PPEF1: variants seen among roughly 807,000 people sequenced by gnomAD.
The protein encoded by PPEF1 is serine/threonine-protein phosphatase with EF-hands 1.
A neutral mutation model predicts 53.3 loss-of-function variants in PPEF1; 12 were observed. The observed-to-expected ratio is 0.23, with a 90% confidence interval of 0.14 to 0.36. The LOEUF (loss-of-function observed/expected upper bound fraction) is 0.36, where lower values mean the gene tolerates loss of function less well. PPEF1 is among the 10% of genes least tolerant of loss of function. The pLI, the probability that PPEF1 is intolerant of heterozygous loss-of-function variation, is 1.00. For missense variants in PPEF1, 334 were observed against 490.4 expected (o/e 0.68, Z 3.01); for synonymous variants, 165 against 176.7 (o/e 0.93, Z 0.52).
chrX:18,711,088 G>A (rs868816890), intron 1 of PPEF1, among the ~76,000 whole-genome samples: 20 of 75,446 alleles, frequency 2.7e-4, no homozygotes, highest in African/African-American at 9.2e-4. Flanking sequence ...ATGTGTGTGT[G>A]TGTGTATATA....
chrX:18,738,100 A>T (rs1456712069), intron 3 of PPEF1, among the ~76,000 whole-genome samples: 4 of 111,039 alleles, frequency 3.6e-5, no homozygotes, highest in African/African-American at 1.3e-4. Context: ...TGTGTCTTTT[A>T]ATTGGAGCAT....
chrX:18,716,621 A>C (rs2044464020), intron 1 of PPEF1, among the ~76,000 whole-genome samples: 1 of 106,917 alleles, frequency 9.4e-6, no homozygotes, highest in African/African-American at 3.4e-5. Context: ...CCATCTCCTT[A>C]CTCCCAATTT....
intron 3 of PPEF1, among the ~76,000 whole-genome samples, chrX:18,743,815 G>A (rs895619440): frequency 2.7e-5 from 3 of 109,924 alleles, no homozygotes. Context: ...TTCCTGTTCA[G>A]GTTTTTTTGT....
intron 6 of PPEF1, among the ~76,000 whole-genome samples, chrX:18,774,840 C>G (rs746034926): frequency 9.0e-6 from 1 of 111,485 alleles, no homozygotes; most frequent in Admixed American, 9.5e-5. Context: ...CCTTTTGTAA[C>G]TTGTTCTTTC....
upstream of PPEF1, among the ~76,000 whole-genome samples, chrX:18,682,011 C>T (rs1263677351): frequency 8.9e-6 from 1 of 112,362 alleles, no homozygotes; most frequent in African/African-American, 3.2e-5. Flanking sequence ...ACCTAAGCGG[C>T]TTCAACACTC....
chrX:18,780,450 C>A (rs1227585753), intron 7 of PPEF1, among the ~76,000 whole-genome samples: 2 of 112,058 alleles, frequency 1.8e-5, no homozygotes, highest in African/African-American at 3.2e-5. Context: ...AGGGTGGTGC[C>A]TGATAGGGCT....
At chrX:18,796,438 T>G (rs181837864) in intron 10 of PPEF1, among the ~76,000 whole-genome samples, 62 of 112,690 alleles carry the variant, frequency 5.5e-4, no homozygotes, top group African/African-American at 2.0e-3. Context: ...ATAAGTAGCT[T>G]TCGTTTTCAG....
chrX:18,726,096 C>T (rs774692703), intron 1 of PPEF1, among the ~76,000 whole-genome samples: 1 of 111,253 alleles, frequency 9.0e-6, no homozygotes, highest in South Asian at 3.8e-4. Context: ...TGGCTCACAC[C>T]TGTAATCCCA....
intron 3 of PPEF1, among the ~76,000 whole-genome samples, chrX:18,741,772 C>CTTTTTTTT (rs58971135): frequency 8.9e-4 from 59 of 66,320 alleles, no homozygotes; most frequent in African/African-American, 3.4e-3. Context: ...GCTGCTGCTT[C>CTTTTTTTT]TTTTTTTTTT....
At chrX:18,709,827 T>C in intron 1 of PPEF1, among the ~76,000 whole-genome samples, 1 of 112,097 alleles carries the variant, frequency 8.9e-6, no homozygotes, top group Non-Finnish European at 1.9e-5. Flanking sequence ...TTATGAACAA[T>C]GCTGCTGTGA....
chrX:18,712,864 AGAT>A (rs2044359087), intron 1 of PPEF1, among the ~76,000 whole-genome samples: 1 of 112,048 alleles, frequency 8.9e-6, no homozygotes, highest in South Asian at 3.7e-4. Flanking sequence ...GCATGTATTG[AGAT>A]GATCTTGTGG....
chrX:18,705,604 G>A (rs1426771773), upstream of PPEF1, among the ~76,000 whole-genome samples: 1 of 111,381 alleles, frequency 9.0e-6, no homozygotes, highest in Non-Finnish European at 1.9e-5. Context: ...AGTTCCAGCT[G>A]CTCAGGAGGC....
chrX:18,779,268 T>C lies in PPEF1; in HGVS notation c.725+92T>C, dbSNP rs1241070904. 8 of 865,826 alleles carry C rather than the reference T, an allele frequency of 9.2e-6. No individual in the cohort carries two copies. In the East Asian group the frequency reaches 2.6e-4, roughly 28 times the overall value. 71.4% of individuals were successfully genotyped at this position (865,826 alleles called of 1,213,427 possible). Reference sequence around the variant, plus strand: ...TTCCTAATAGAGATAGAAGTGAGTGTATTGGAAGAGGGATGAGGGGGATCT... The same window carrying C: ...TTCCTAATAGAGATAGAAGTGAGTGCATTGGAAGAGGGATGAGGGGGATCT... On this transcript the variant is annotated intron_variant, in intron 7 of 15. Transcript: ENST00000470157.
chrX:18,781,502 A>G (rs1231906914), intron 7 of PPEF1, among the ~76,000 whole-genome samples: 1 of 111,531 alleles, frequency 9.0e-6, no homozygotes, highest in Non-Finnish European at 1.9e-5. Context: ...AAGGAAAGAA[A>G]AGTTTTCTAG....
chrX:18,777,946 C>T (rs2046003269), intron 6 of PPEF1, among the ~76,000 whole-genome samples: 2 of 109,970 alleles, frequency 1.8e-5, no homozygotes, highest in African/African-American at 6.6e-5. Context: ...GGTTTCGTCA[C>T]GTTGGCCAGG....
chrX:18,701,835 T>C lies in PPEF1; in HGVS notation c.-123+1400T>C, dbSNP rs150915211. ...TAGAATAATAAACCACATAGAACTATTCTTCCACAAACACACTTTGGAAAA... is the reference window on the plus strand; with the variant it reads ...TAGAATAATAAACCACATAGAACTACTCTTCCACAAACACACTTTGGAAAA... On this transcript the variant is annotated intron_variant, in intron 6 of 21. Transcript: ENST00000361511. Among the ~76,000 whole-genome samples, 338 of 112,776 alleles carry C rather than the reference T, an allele frequency of 3.0e-3. 1 individual carries two copies. Among genetic ancestry groups the C allele is most frequent in the Non-Finnish European group, 5.2e-3 (279 of 53,314 alleles).
At chrX:18,777,645 G>C (rs973837353) in intron 6 of PPEF1, among the ~76,000 whole-genome samples, 1 of 109,293 alleles carries the variant, frequency 9.1e-6, no homozygotes, top group East Asian at 2.9e-4. Context: ...TCAGCCTCCC[G>C]AGTAGCTGGG....
intron 2 of PPEF1, chrX:18,686,005 G>T (rs1330187079): frequency 8.9e-6 from 1 of 111,866 alleles, no homozygotes; most frequent in Admixed American, 9.5e-5. Flanking sequence ...TTTTAAAAAG[G>T]TGATTGTGAT....
At chrX:18,698,861 A>C (rs1463326411) in intron 5 of PPEF1, among the ~76,000 whole-genome samples, 1 of 111,969 alleles carries the variant, frequency 8.9e-6, no homozygotes, top group African/African-American at 3.2e-5. Context: ...TTCACATGTA[A>C]AAGGGCAAAT....
Sources: allele counts gnomAD v4.1 joint callset (sites outside exome capture counted in the v4.1 genomes callset), GRCh38; gene constraint gnomAD v4.1.1; transcripts MANE v1.5; gene names NCBI Gene and HGNC (gene_info 2026-07-23, HGNC 2026-07-21).